RIN3: variants seen among roughly 807,000 people sequenced by gnomAD.
RIN3 encodes the protein RAB5 interacting protein 3.
Under a neutral mutation model 76.3 loss-of-function variants are expected in RIN3, and 54 were observed. That is an observed-to-expected ratio of 0.71 (90% CI 0.57 to 0.89). The LOEUF is 0.89. Ranked by LOEUF, RIN3 falls within the 40% of genes least tolerant of loss-of-function variation. The pLI is 0.00. For synonymous variants in RIN3, 576 were observed against 564.0 expected (o/e 1.02, Z -0.30); for missense variants, 1,256 against 1,322.1 (o/e 0.95, Z 0.78).
chr14:92,592,973 C>T (rs1211522223), intron 3 of RIN3, among the ~76,000 whole-genome samples: 3 of 151,702 alleles, frequency 2.0e-5, no homozygotes, highest in African/African-American at 7.3e-5. Flanking sequence ...CATACCCAGC[C>T]AAAATTTGTT....
At chr14:92,527,702 C>G (rs1896778777) in intron 1 of RIN3, among the ~76,000 whole-genome samples, 1 of 152,146 alleles carries the variant, frequency 6.6e-6, no homozygotes, top group African/African-American at 2.4e-5. Context: ...CGCGTTTCTG[C>G]TTCGTCCCTA....
chr14:92,615,322 C>G (rs1885912949), intron 3 of RIN3, 85 bp from the exon 4 acceptor site: 1 of 1,153,766 alleles, frequency 8.7e-7, no homozygotes, highest in Non-Finnish European at 1.3e-6. Context: ...AGACACGCCC[C>G]CCGACCCCAT....
chr14:92,528,510 T>C (rs1896805401), intron 1 of RIN3, among the ~76,000 whole-genome samples: 1 of 152,054 alleles, frequency 6.6e-6, no homozygotes, highest in African/African-American at 2.4e-5. Context: ...TCCATGGTCT[T>C]CTGAAGGGCC....
intron 1 of RIN3, among the ~76,000 whole-genome samples, chr14:92,544,351 ATCAGCTGTTCTT>A (rs1897197127): frequency 7.4e-6 from 1 of 134,972 alleles, no homozygotes; most frequent in Admixed American, 8.8e-5. Context: ...GTCCTCTGGC[ATCAGCTGTTCTT>A]TGTCTCCAAT....
chr14:92,576,465 A>G lies in RIN3; in HGVS notation c.250-895A>G, dbSNP rs1898236164. The G allele has an allele frequency of 7.3e-6, 9 of 1,226,452 alleles. No individual in the cohort carries two copies. In the Middle Eastern group the frequency reaches 6.6e-4, roughly 90 times the overall value. The allele number at this position is 1,226,452 out of a possible 1,614,324, so 76.0% of individuals were successfully genotyped here. ...TCAGAAGAGAGTAAACCTACAGCAG[A>G]AGCAAGTCTTCCTGCTCAGGACTTG... On this transcript the variant is annotated intron_variant, in intron 2 of 9. Transcript: ENST00000216487.
intron 4 of RIN3, among the ~76,000 whole-genome samples, chr14:92,634,973 C>G (rs1886723089): frequency 6.6e-6 from 1 of 152,108 alleles, no homozygotes; most frequent in Non-Finnish European, 1.5e-5. Context: ...CTGATCCAGG[C>G]AGTCTGCAGA....
At position 92,577,022 on chromosome 14, in the gene RIN3, T is replaced by TA. The variant is rs531857437; in HGVS notation, c.250-337dup. Among the ~76,000 whole-genome samples the TA allele has an allele frequency of 1.6e-3, 242 of 152,238 alleles. 1 individual carries two copies. Among genetic ancestry groups the TA allele is most frequent in the Admixed American group, 2.9e-3 (45 of 15,292 alleles). ...AGAGCCAGCCAATTCCAGCCCCACT[T>TA]ACAGAATCAGTGTCTCAGTGGGTGG... On this transcript the variant is annotated intron_variant, in intron 2 of 9. Transcript: ENST00000216487.
At chr14:92,517,551 AAG>A (rs1161034479) in intron 1 of RIN3, among the ~76,000 whole-genome samples, 2 of 152,122 alleles carry the variant, frequency 1.3e-5, no homozygotes, top group Non-Finnish European at 2.9e-5. Flanking sequence ...TAACCTTTAG[AAG>A]AGAGTGGGGG....
intron 1 of RIN3, among the ~76,000 whole-genome samples, chr14:92,515,839 T>C (rs1009890262): frequency 6.6e-6 from 1 of 152,218 alleles, no homozygotes; most frequent in African/African-American, 2.4e-5. Context: ...AATATTGGTT[T>C]GTTGCTAAAA....
At chr14:92,598,757 A>C (rs548352442) in intron 3 of RIN3, among the ~76,000 whole-genome samples, 2 of 152,314 alleles carry the variant, frequency 1.3e-5, no homozygotes, top group Non-Finnish European at 2.9e-5. Context: ...CATGCTACAG[A>C]AATAGCAGTT....
At chr14:92,519,514 A>G (rs1318372413) in intron 1 of RIN3, among the ~76,000 whole-genome samples, 1 of 152,034 alleles carries the variant, frequency 6.6e-6, no homozygotes, top group African/African-American at 2.4e-5. Context: ...GGAGGTGCTG[A>G]GGAGATCGCA....
At chr14:92,542,084 G>C (rs1462426358) in intron 1 of RIN3, among the ~76,000 whole-genome samples, 1 of 152,144 alleles carries the variant, frequency 6.6e-6, no homozygotes, top group Non-Finnish European at 1.5e-5. Context: ...CTTGAGTCGA[G>C]GAGTTTGAGA....
intron 3 of RIN3, among the ~76,000 whole-genome samples, chr14:92,608,216 A>G (rs891299533): frequency 2.6e-5 from 4 of 152,208 alleles, no homozygotes; most frequent in East Asian, 1.9e-4. Context: ...ATTGAGGTCA[A>G]TTTCCGGGTT....
At chr14:92,608,224 G>C (rs977071784) in intron 3 of RIN3, among the ~76,000 whole-genome samples, 1 of 152,196 alleles carries the variant, frequency 6.6e-6, no homozygotes, top group Non-Finnish European at 1.5e-5. Flanking sequence ...CAATTTCCGG[G>C]TTTTGACATT....
chr14:92,628,261 T>C (rs1329365740), intron 4 of RIN3, among the ~76,000 whole-genome samples: 1 of 152,216 alleles, frequency 6.6e-6, no homozygotes, highest in Non-Finnish European at 1.5e-5. Flanking sequence ...GTGGGATCCA[T>C]GCAATGCCAT....
At position 92,514,028 on chromosome 14, in the gene RIN3, C is replaced by G; in HGVS notation, c.44+52C>G. On this transcript the variant is annotated intron_variant, in intron 1 of 9. Transcript: ENST00000216487. This position sits in a 1 kb window ranked among gnomAD's most constrained non-coding sequence, Gnocchi z 7.2. ...CCCTCGCGATCCCCACGGCCCGCGT[C>G]CTGGCCGCCCCACTCCACTTCTTGT... 11 of 1,140,282 alleles carry G rather than the reference C, an allele frequency of 9.6e-6. No individual in the cohort carries two copies. Among genetic ancestry groups the G allele is most frequent in the Non-Finnish European group, 1.2e-5 (11 of 902,404 alleles). The allele number at this position is 1,140,282 out of a possible 1,614,324, so 70.6% of individuals were successfully genotyped here. A position where few individuals can be genotyped will look rare whatever the true frequency, so the allele number is the denominator to read the frequency against.
intron 4 of RIN3, among the ~76,000 whole-genome samples, chr14:92,633,683 T>TG (rs1444036021): frequency 6.6e-6 from 1 of 152,204 alleles, no homozygotes; most frequent in African/African-American, 2.4e-5. Flanking sequence ...AGTTGGTGTC[T>TG]GGAGAATTGG....
At chr14:92,550,553 C>T (rs1435786691) in intron 1 of RIN3, among the ~76,000 whole-genome samples, 4 of 152,146 alleles carry the variant, frequency 2.6e-5, no homozygotes, top group Non-Finnish European at 5.9e-5. Context: ...TCTGGGACTA[C>T]ATGGGGCACA....
Position 92,643,029 on chromosome 14 carries a change from C to T in RIN3, c.532+1700C>T, listed in dbSNP as rs1435573966. On this transcript the variant is annotated intron_variant, in intron 5 of 9. Transcript: ENST00000216487. The surrounding 1 kb of genome is among the most constrained non-coding windows in gnomAD (Gnocchi z 4.8). Reference sequence around the variant, plus strand: ...ATGAACCCAGGCCGTTTAGCTCCCACACCTGCCATCGTCTCATGGTGCCTC... The same window carrying T: ...ATGAACCCAGGCCGTTTAGCTCCCATACCTGCCATCGTCTCATGGTGCCTC... Among the ~76,000 whole-genome samples the T allele has an allele frequency of 1.3e-5, 2 of 152,136 alleles. No homozygotes were observed. The highest frequency in any genetic ancestry group is 6.5e-5 in the Admixed American group (1 of 15,282).
Sources: allele counts gnomAD v4.1 joint callset (sites outside exome capture counted in the v4.1 genomes callset), GRCh38; gene constraint gnomAD v4.1.1; non-coding constraint Gnocchi (gnomAD v3.1); transcripts MANE v1.5; gene names NCBI Gene and HGNC (gene_info 2026-07-23, HGNC 2026-07-21).